TNS3: variants seen among roughly 807,000 people sequenced by gnomAD.
The protein encoded by TNS3 is tensin 3, also known as tensin-3.
Under a neutral mutation model 140.9 loss-of-function variants are expected in TNS3, and 45 were observed. The observed-to-expected ratio is 0.32, with a 90% confidence interval of 0.25 to 0.41. TNS3 has a LOEUF of 0.41. Among genes scored for constraint, TNS3 ranks in the 10% least tolerant of loss-of-function variants. The pLI, the probability that TNS3 is intolerant of heterozygous loss-of-function variation, is 1.00. For synonymous variants in TNS3, 815 were observed against 788.4 expected (o/e 1.03, Z -0.56); for missense variants, 1,716 against 1,906.7 (o/e 0.90, Z 1.86).
At chr7:47,405,611 A>G in intron 13 of TNS3, 1 of 702,900 alleles carries the variant, frequency 1.4e-6, no homozygotes, top group Non-Finnish European at 2.6e-6. Context: ...AAACACAACC[A>G]AGTCCACTAT....
At chr7:47,366,202 A>G (rs1196153116) in intron 17 of TNS3, among the ~76,000 whole-genome samples, 1 of 152,164 alleles carries the variant, frequency 6.6e-6, no homozygotes, top group Non-Finnish European at 1.5e-5. Context: ...TCCCAAATAT[A>G]TTTGTTTAAT....
At chr7:47,462,197 T>C (rs370240504) in intron 4 of TNS3, among the ~76,000 whole-genome samples, 1 of 152,352 alleles carries the variant, frequency 6.6e-6, no homozygotes, top group African/African-American at 2.4e-5. Flanking sequence ...TGAAGCCAAA[T>C]GCATAGTAAG....
chr7:47,308,559 A>G (rs1411748801), intron 20 of TNS3, among the ~76,000 whole-genome samples: 1 of 152,098 alleles, frequency 6.6e-6, no homozygotes, highest in Non-Finnish European at 1.5e-5. Flanking sequence ...TGGATGCTGG[A>G]TATTTTTGTA....
chr7:47,375,489 T>A (rs905803388), intron 16 of TNS3, among the ~76,000 whole-genome samples: 8 of 152,214 alleles, frequency 5.3e-5, no homozygotes, highest in Non-Finnish European at 1.2e-4. Flanking sequence ...CATTCTTGTC[T>A]CCTTGGAGGA....
chr7:47,543,487 C>A (rs78935205), intron 1 of TNS3, among the ~76,000 whole-genome samples: 1,788 of 152,318 alleles, frequency 0.012, 33 homozygotes, highest in African/African-American at 0.041. Flanking sequence ...TCTTAGTGAC[C>A]CAGCGACATC....
intron 7 of TNS3, 54 bp from the exon 8 acceptor site, chr7:47,435,458 GC>G (rs1383536361): frequency 1.7e-5 from 28 of 1,604,968 alleles, no homozygotes; most frequent in Non-Finnish European, 2.3e-5. Flanking sequence ...ACCTTCTGAG[GC>G]CATCTCACAA....
rs1448867718 is a variant in TNS3 at position 47,340,416 on chromosome 7, G to A, written c.2650+4339C>T. 3.3e-5 allele frequency among the ~76,000 whole-genome samples: 5 copies of A among 151,502 alleles called. No homozygotes were observed. In the East Asian group the frequency reaches 7.8e-4, roughly 24 times the overall value. On this transcript the variant is annotated intron_variant, in intron 20 of 30. Coordinates refer to ENST00000311160, the MANE Select transcript of TNS3 (RefSeq NM_022748.12). ...GATTACAGGCGTGAGCTACTCCGCC[G>A]GGCTGTGACTTATATTTTTAATTTC...
Position 47,487,583 on chromosome 7 carries a change from G to A in TNS3, c.-114-6442C>T, listed in dbSNP as rs186190951. 6.6e-5 allele frequency among the ~76,000 whole-genome samples: 10 copies of A among 152,176 alleles called. No individual in the cohort carries two copies. The East Asian group carries it at 7.7e-4, about 12-fold the overall frequency. On this transcript the variant is annotated intron_variant, in intron 3 of 30. Coordinates refer to ENST00000311160, the MANE Select transcript of TNS3 (RefSeq NM_022748.12). Reference sequence around the variant, plus strand: ...AAATGCACACACACCACACAACACCGAATGCAAATCCGTGGGACAGCATTC... The same window carrying A: ...AAATGCACACACACCACACAACACCAAATGCAAATCCGTGGGACAGCATTC...
chr7:47,446,702 T>TTTTTTTTTTTC (rs1795755427), intron 4 of TNS3, among the ~76,000 whole-genome samples: 1 of 68,232 alleles, frequency 1.5e-5, no homozygotes, highest in Non-Finnish European at 3.8e-5. Context: ...TTTTTTTTTT[T>TTTTTTTTTTTC]TTTTTTTTTT....
chr7:47,429,752 A>G (rs1358328091), intron 8 of TNS3, among the ~76,000 whole-genome samples: 3 of 152,216 alleles, frequency 2.0e-5, no homozygotes, highest in Admixed American at 1.3e-4. Context: ...GGCCTCTAAT[A>G]TGTAGCTCCC....
chr7:47,340,576 CT>C (rs1554297310), intron 20 of TNS3, among the ~76,000 whole-genome samples: 1 of 130,174 alleles, frequency 7.7e-6, no homozygotes, highest in African/African-American at 2.9e-5. Flanking sequence ...CTGGGATTTT[CT>C]TTTTTTTCTT....
intron 28 of TNS3, among the ~76,000 whole-genome samples, chr7:47,281,311 C>T (rs1785133902): frequency 6.6e-6 from 1 of 152,238 alleles, no homozygotes; most frequent in South Asian, 2.1e-4. Context: ...CCCAGCCCTT[C>T]CTTCCAAGAG....
intron 4 of TNS3, among the ~76,000 whole-genome samples, chr7:47,448,393 G>A (rs569094235): frequency 6.6e-6 from 1 of 152,268 alleles, no homozygotes; most frequent in African/African-American, 2.4e-5. Context: ...CACAGCTGAG[G>A]ATCTGGGAGC....
rs1030430638 is a variant in TNS3, at chr7:47,428,202, G to C, written c.389+110C>G. On this transcript the variant is annotated intron_variant, in intron 9 of 30. Transcript: ENST00000311160. ...CCAGCACTGGGGAATGGGAAACACA[G>C]GTCAGCCGAGCCCTTGGTATCCAGA... 4 of 719,172 alleles carry C rather than the reference G, an allele frequency of 5.6e-6. No individual in the cohort carries two copies. The Admixed American group carries it at 1.1e-4, about 19-fold the overall frequency. The allele number at this position is 719,172 out of a possible 1,614,324, so 44.5% of individuals were successfully genotyped here.
intron 4 of TNS3, among the ~76,000 whole-genome samples, chr7:47,458,897 T>C (rs1046150114): frequency 6.6e-6 from 1 of 152,182 alleles, no homozygotes; most frequent in East Asian, 1.9e-4. Flanking sequence ...AGTAGACATA[T>C]ACAAAAAGAA....
intron 2 of TNS3, among the ~76,000 whole-genome samples, chr7:47,512,585 G>A (rs1164902020): frequency 6.6e-6 from 1 of 152,228 alleles, no homozygotes; most frequent in Non-Finnish European, 1.5e-5. Flanking sequence ...AGCACTCTGT[G>A]TTGTATGAAA....
rs967806627 is a variant in TNS3, at chr7:47,434,549, C to T, written c.324+733G>A. ...AGGGTTAAGCTTCACACACTTACCC[C>T]TCAGTGAGTTTGCTTTCAGTCCAAC... On this transcript the variant is annotated intron_variant, in intron 8 of 30. Coordinates refer to ENST00000311160, the MANE Select transcript of TNS3 (RefSeq NM_022748.12). Among the ~76,000 whole-genome samples, 6 of 152,198 alleles carry T rather than the reference C, an allele frequency of 3.9e-5. No homozygotes were observed. In the East Asian group the frequency reaches 1.2e-3, roughly 29 times the overall value.
At chr7:47,306,208 T>TA (rs1215377791) in intron 20 of TNS3, among the ~76,000 whole-genome samples, 3 of 152,306 alleles carry the variant, frequency 2.0e-5, no homozygotes, top group Middle Eastern at 3.4e-3. Flanking sequence ...GGGTTTTCAT[T>TA]AATCCAGGTG....
chr7:47,403,791 T>G (rs1375769914), intron 13 of TNS3, among the ~76,000 whole-genome samples: 1 of 152,194 alleles, frequency 6.6e-6, no homozygotes, highest in Non-Finnish European at 1.5e-5. Context: ...CCCTCCATAG[T>G]GTGCAATAAT....
Sources: allele counts gnomAD v4.1 joint callset (sites outside exome capture counted in the v4.1 genomes callset), GRCh38; gene constraint gnomAD v4.1.1; transcripts MANE v1.5; gene names NCBI Gene and HGNC (gene_info 2026-07-23, HGNC 2026-07-21).